UNC13C: variants seen among roughly 807,000 people sequenced by gnomAD.
UNC13C encodes the protein unc-13 homolog C.
Under a neutral mutation model 245.4 loss-of-function variants are expected in UNC13C, and 174 were observed. The ratio of observed to expected loss-of-function variants is 0.71; its 90% CI spans 0.63 to 0.80. UNC13C has a LOEUF of 0.80. Among genes scored for constraint, UNC13C ranks in the 30% least tolerant of loss-of-function variants. The probability of loss-of-function intolerance (pLI) is 0.00; values close to 1 mark genes in which losing one functional copy is unlikely to be tolerated. For missense variants in UNC13C, 2,829 were observed against 2,602.9 expected (o/e 1.09, Z -1.89); for synonymous variants, 992 against 895.1 (o/e 1.11, Z -1.93).
intron 17 of UNC13C, among the ~76,000 whole-genome samples, chr15:54,381,214 T>G (rs926531702): frequency 6.6e-6 from 1 of 152,158 alleles, no homozygotes; most frequent in African/African-American, 2.4e-5. Context: ...ATTGAAGAGA[T>G]TGTCCTTTAA....
At chr15:53,893,308 C>T in the UNC13C span, among the ~76,000 whole-genome samples, 1 of 152,214 alleles carries the variant, frequency 6.6e-6, no homozygotes. Context: ...TGGGAGTTAT[C>T]TCCCAGTCAG....
At chr15:54,518,274 G>A (rs888764430) in intron 24 of UNC13C, among the ~76,000 whole-genome samples, 1 of 152,180 alleles carries the variant, frequency 6.6e-6, no homozygotes, top group African/African-American at 2.4e-5. Context: ...TGCTGAGGAG[G>A]TTGAAAGGTT....
chr15:54,552,295 T>A (rs941373915), intron 28 of UNC13C, among the ~76,000 whole-genome samples: 1 of 131,282 alleles, frequency 7.6e-6, no homozygotes, highest in South Asian at 2.2e-4. Flanking sequence ...TTATATATAA[T>A]TATATTGTAC....
At chr15:53,887,457 T>C in the UNC13C span, among the ~76,000 whole-genome samples, 1 of 152,302 alleles carries the variant, frequency 6.6e-6, no homozygotes, top group Non-Finnish European at 1.5e-5. Flanking sequence ...TTACTGCTTA[T>C]CCTCTTTTTT....
At chr15:54,416,489 A>AT (rs2040523856) in intron 19 of UNC13C, among the ~76,000 whole-genome samples, 1 of 152,068 alleles carries the variant, frequency 6.6e-6, no homozygotes, top group East Asian at 1.9e-4. Flanking sequence ...TTACTTTGCA[A>AT]TGAGGTGTTT....
At chr15:54,342,444 A>G (rs552592348) in intron 17 of UNC13C, among the ~76,000 whole-genome samples, 1 of 152,174 alleles carries the variant, frequency 6.6e-6, no homozygotes, top group East Asian at 1.9e-4. Flanking sequence ...ATGTGTCTAT[A>G]GTCACACCTA....
chr15:54,154,903 C>T (rs975527866), intron 4 of UNC13C, among the ~76,000 whole-genome samples: 8 of 152,210 alleles, frequency 5.3e-5, no homozygotes, highest in African/African-American at 1.9e-4. Flanking sequence ...AAGATATTTC[C>T]AATAATAAGA....
chr15:54,288,165 C>T (rs1242072289), intron 10 of UNC13C, among the ~76,000 whole-genome samples: 1 of 152,166 alleles, frequency 6.6e-6, no homozygotes, highest in Non-Finnish European at 1.5e-5. Context: ...CCATAGAGTC[C>T]TGCTGGACAG....
At chr15:54,198,693 A>G (rs1317719239) in intron 4 of UNC13C, among the ~76,000 whole-genome samples, 1 of 152,156 alleles carries the variant, frequency 6.6e-6, no homozygotes, top group Non-Finnish European at 1.5e-5. Flanking sequence ...ACTCCGTGGG[A>G]CAAAAGATCT....
chr15:54,523,211 C>G (rs923924599), intron 24 of UNC13C, among the ~76,000 whole-genome samples: 1 of 152,032 alleles, frequency 6.6e-6, no homozygotes, highest in Non-Finnish European at 1.5e-5. Flanking sequence ...AGTTTTGCTA[C>G]CTAAAGAGAT....
the UNC13C span, among the ~76,000 whole-genome samples, chr15:53,863,000 A>G: frequency 6.6e-6 from 1 of 152,182 alleles, no homozygotes; most frequent in Non-Finnish European, 1.5e-5. Flanking sequence ...TCTCATCTAA[A>G]TATCACCTAA....
chr15:53,987,681 A>G (rs1044551913), intron 1 of UNC13C, among the ~76,000 whole-genome samples: 4 of 152,038 alleles, frequency 2.6e-5, no homozygotes, highest in African/African-American at 9.7e-5. Context: ...CGGGACTGTC[A>G]TGGACAACAG....
Position 54,393,174 on chromosome 15 carries a change from C to T in UNC13C, c.4840C>T (p.Leu1614=). 6.3e-7 allele frequency: 1 copy of T among 1,582,250 alleles called. No individual in the cohort carries two copies. The highest frequency in any genetic ancestry group is 8.6e-7 in the Non-Finnish European group (1 of 1,168,694). The change falls in exon 18 of 33, where the codon CTG becomes TTG. Residue 1614 remains leucine (L), a synonymous_variant. Transcript: ENST00000260323. ...DEDKTAYTPV[L]NQFPQELNMG... ...GGATAAAACTGCCTACACACCTGTC[C>T]TGAATCAGTAAGTACAATGTTTTGG...
chr15:54,104,324 C>CT (rs938387294), intron 2 of UNC13C, among the ~76,000 whole-genome samples: 1 of 152,066 alleles, frequency 6.6e-6, no homozygotes, highest in Non-Finnish European at 1.5e-5. Context: ...CTTTTTCATC[C>CT]TTTTTTTCCC....
intron 14 of UNC13C, among the ~76,000 whole-genome samples, chr15:54,330,809 AT>A (rs2038417438): frequency 6.6e-6 from 1 of 151,890 alleles, no homozygotes; most frequent in Non-Finnish European, 1.5e-5. Flanking sequence ...ACTCATCTGT[AT>A]TTTCTGTAGC....
chr15:54,300,923 CAA>C (rs1346930029), intron 13 of UNC13C, among the ~76,000 whole-genome samples: 1 of 152,048 alleles, frequency 6.6e-6, no homozygotes, highest in African/African-American at 2.4e-5. Flanking sequence ...TTCAGTAAAA[CAA>C]AGATTTATTT....
intron 4 of UNC13C, among the ~76,000 whole-genome samples, chr15:54,157,636 A>G (rs2899524): frequency 0.29 from 43,784 of 151,920 alleles, 6,573 homozygotes; most frequent in African/African-American, 0.35. Context: ...CCAACGGGCT[A>G]CTCAAAGGGT....
chr15:54,547,501 C>T (rs2141177575), intron 27 of UNC13C, among the ~76,000 whole-genome samples: 1 of 152,176 alleles, frequency 6.6e-6, no homozygotes, highest in East Asian at 1.9e-4. Context: ...GTATTTTTTT[C>T]TCCGTGACTG....
intron 18 of UNC13C, among the ~76,000 whole-genome samples, chr15:54,409,353 TG>T (rs1400127596): frequency 3.9e-5 from 6 of 152,126 alleles, no homozygotes; most frequent in Admixed American, 2.0e-4. Flanking sequence ...TTATTTTAAA[TG>T]GGGGTTTTTG....
Sources: gnomAD v4.1 joint callset for allele counts (sites outside exome capture counted in the v4.1 genomes callset) on GRCh38, gnomAD v4.1.1 for gene constraint, MANE v1.5 for transcripts, NCBI Gene and HGNC (gene_info 2026-07-23, HGNC 2026-07-21) for gene names.